The following ZNF385B variants were observed in gnomAD, a reference collection of about 807,000 sequenced individuals.
ZNF385B encodes zinc finger protein 533.
Under a neutral mutation model 39.2 loss-of-function variants are expected in ZNF385B, and 23 were observed. The observed-to-expected ratio is 0.59, with a 90% CI of 0.42 to 0.83. The LOEUF (loss-of-function observed/expected upper bound fraction) is 0.83. Ranked by LOEUF, ZNF385B falls within the 40% of genes least tolerant of loss-of-function variation. The pLI, the probability that ZNF385B is intolerant of heterozygous loss-of-function variation, is 0.00. For missense variants in ZNF385B, 552 were observed against 598.9 expected (o/e 0.92, Z 0.82); for synonymous variants, 205 against 222.6 (o/e 0.92, Z 0.70).
Position 179,584,897 on chromosome 2 carries a change from C to T in ZNF385B, c.299-39928G>A, listed in dbSNP as rs772004392. 6.6e-5 allele frequency among the ~76,000 whole-genome samples: 10 copies of T among 152,126 alleles called. No homozygotes were observed. The East Asian group carries it at 9.6e-4, about 15-fold the overall frequency. On this transcript the variant is annotated intron_variant, in intron 3 of 9. Transcript: ENST00000410066. ...TTGAAAGAGGAGCCCATGGACCTGA[C>T]AGTGACAAGGGAGACAGAGGTGAAG...
intron 3 of ZNF385B, among the ~76,000 whole-genome samples, chr2:179,693,572 T>C (rs1698509817): frequency 6.6e-6 from 1 of 152,234 alleles, no homozygotes; most frequent in Admixed American, 6.5e-5. Context: ...TTCTTAGAGT[T>C]CGATAACTAA....
At chr2:179,640,997 A>G in intron 3 of ZNF385B, among the ~76,000 whole-genome samples, 1 of 152,136 alleles carries the variant, frequency 6.6e-6, no homozygotes, top group East Asian at 1.9e-4. Context: ...TTTATTATGG[A>G]TCTATTCAGC....
chr2:179,829,245 GA>G (rs1207114897), intron 1 of ZNF385B, among the ~76,000 whole-genome samples: 3 of 152,000 alleles, frequency 2.0e-5, no homozygotes, highest in East Asian at 1.9e-4. Flanking sequence ...ACTATTAGCT[GA>G]AAAACAATAT....
intron 3 of ZNF385B, among the ~76,000 whole-genome samples, chr2:179,620,563 C>G (rs1198113483): frequency 6.6e-6 from 1 of 152,014 alleles, no homozygotes; most frequent in Non-Finnish European, 1.5e-5. Flanking sequence ...AATCTAGTAT[C>G]AGTTCCATGT....
rs984518347 is a variant in ZNF385B at position 179,473,669 on chromosome 2, C to A, written c.715+9603G>T. Among the ~76,000 whole-genome samples the A allele has an allele frequency of 7.9e-5, 12 of 152,266 alleles. No individual in the cohort carries two copies. The East Asian group carries it at 1.2e-3, about 15-fold the overall frequency. On this transcript the variant is annotated intron_variant, in intron 6 of 9. Coordinates refer to ENST00000410066, the MANE Select transcript of ZNF385B (RefSeq NM_152520.6). ...GATATTTCTCCTAATGTCATCCCCC[C>A]CCATTGCCCCTACCCTCTGACAGGC... is the stretch of plus-strand genomic sequence containing the variant.
chr2:179,702,668 A>G (rs1699297032), intron 3 of ZNF385B, among the ~76,000 whole-genome samples: 1 of 152,260 alleles, frequency 6.6e-6, no homozygotes, highest in Non-Finnish European at 1.5e-5. Context: ...CACAGGTTAC[A>G]GTGACACCAC....
At chr2:179,822,206 C>T (rs1455764040) in intron 1 of ZNF385B, among the ~76,000 whole-genome samples, 1 of 152,134 alleles carries the variant, frequency 6.6e-6, no homozygotes, top group Admixed American at 6.6e-5. Flanking sequence ...TTTTTCTTAG[C>T]CTTCCCTTAG....
At chr2:179,469,673 T>A (rs2052515070) in intron 6 of ZNF385B, among the ~76,000 whole-genome samples, 2 of 152,260 alleles carry the variant, frequency 1.3e-5, no homozygotes, top group African/African-American at 4.8e-5. Flanking sequence ...TCCCTCCTAA[T>A]ACAGAGAAGG....
chr2:179,576,512 G>T (rs1685836314), intron 3 of ZNF385B, among the ~76,000 whole-genome samples: 1 of 152,130 alleles, frequency 6.6e-6, no homozygotes, highest in South Asian at 2.1e-4. Flanking sequence ...TTTTAAGAGA[G>T]GAAGTATCTT....
At chr2:179,857,992 T>C (rs1684733510) in intron 1 of ZNF385B, among the ~76,000 whole-genome samples, 1 of 152,134 alleles carries the variant, frequency 6.6e-6, no homozygotes, top group African/African-American at 2.4e-5. Flanking sequence ...AAGGAAAAGT[T>C]TACTAGCCAG....
chr2:179,545,870 A>C (rs1270258403), intron 3 of ZNF385B, among the ~76,000 whole-genome samples: 2 of 152,096 alleles, frequency 1.3e-5, no homozygotes, highest in African/African-American at 4.8e-5. Flanking sequence ...CCATCCCCTC[A>C]AGCATTTATC....
intron 3 of ZNF385B, among the ~76,000 whole-genome samples, chr2:179,661,749 T>A (rs1029309003): frequency 6.6e-6 from 1 of 152,228 alleles, no homozygotes; most frequent in East Asian, 1.9e-4. Context: ...ATCATTTGCG[T>A]CTTATAATAA....
intron 3 of ZNF385B, among the ~76,000 whole-genome samples, chr2:179,571,522 T>C (rs1422768377): frequency 6.6e-6 from 1 of 152,192 alleles, no homozygotes; most frequent in Non-Finnish European, 1.5e-5. Context: ...TCACAACTCA[T>C]ATCCCTGTTT....
chr2:179,737,115 C>T (rs1207613699), intron 3 of ZNF385B, among the ~76,000 whole-genome samples: 1 of 152,164 alleles, frequency 6.6e-6, no homozygotes, highest in African/African-American at 2.4e-5. Context: ...TGCAAACATT[C>T]AAGCTGGGTT....
chr2:179,796,782 C>T (rs1407397166), intron 1 of ZNF385B, among the ~76,000 whole-genome samples: 2 of 152,156 alleles, frequency 1.3e-5, no homozygotes, highest in African/African-American at 4.8e-5. Context: ...CTCCTGTGGA[C>T]TGTTCAGGCT....
chr2:179,633,345 C>T (rs1323476153), intron 3 of ZNF385B, among the ~76,000 whole-genome samples: 1 of 152,080 alleles, frequency 6.6e-6, no homozygotes, highest in Non-Finnish European at 1.5e-5. Flanking sequence ...CATCAAAAAG[C>T]TTATCCACCA....
At chr2:179,794,772 T>C (rs1478992116) in intron 1 of ZNF385B, among the ~76,000 whole-genome samples, 2 of 152,074 alleles carry the variant, frequency 1.3e-5, no homozygotes, top group African/African-American at 4.8e-5. Context: ...GAGGGATCAA[T>C]GTGACTTCAG....
At chr2:179,445,369 C>G (rs1291460818) in intron 8 of ZNF385B, among the ~76,000 whole-genome samples, 181 bp downstream of exon 8, 2 of 152,140 alleles carry the variant, frequency 1.3e-5, no homozygotes, top group Non-Finnish European at 1.5e-5. Flanking sequence ...ACAGTAGATG[C>G]TCAAATATTT....
chr2:179,468,949 A>T (rs1451095893), intron 6 of ZNF385B, among the ~76,000 whole-genome samples: 1 of 152,232 alleles, frequency 6.6e-6, no homozygotes, highest in African/African-American at 2.4e-5. Context: ...CCAATCCTTT[A>T]AAAATATATT....
Sources: allele counts gnomAD v4.1 joint callset (sites outside exome capture counted in the v4.1 genomes callset), GRCh38; gene constraint gnomAD v4.1.1; transcripts MANE v1.5; gene names NCBI Gene and HGNC (gene_info 2026-07-23, HGNC 2026-07-21).